The following IRF2 variants were observed in gnomAD, a reference collection of about 807,000 sequenced individuals.
IRF2 encodes the protein interferon regulatory factor 2.
IRF2 carries 15 observed loss-of-function variants against 40.6 expected under a neutral mutation model. The ratio of observed to expected loss-of-function variants is 0.37; its 90% CI spans 0.25 to 0.57. The LOEUF (loss-of-function observed/expected upper bound fraction) is 0.57, where lower values mean the gene tolerates loss of function less well. Ranked by LOEUF, IRF2 falls within the 20% of genes least tolerant of loss-of-function variation. The pLI, the probability that IRF2 is intolerant of heterozygous loss-of-function variation, is 0.77. For synonymous variants in IRF2, 151 were observed against 165.5 expected, an observed-to-expected ratio of 0.91 and a Z score of 0.67; for missense variants, 317 against 455.7, an observed-to-expected ratio of 0.70 and a Z score of 2.77.
At chr4:184,455,301 C>CTTTT (rs1238177005) in intron 1 of IRF2, among the ~76,000 whole-genome samples, 810 of 31,868 alleles carry the variant, frequency 0.025, no homozygotes, top group Middle Eastern at 0.042. Context: ...CCTTCTTCTT[C>CTTTT]TTTTTTTTTT....
At chr4:184,407,158 T>C in intron 6 of IRF2, 3 of 1,286,266 alleles carry the variant, frequency 2.3e-6, no homozygotes, top group Non-Finnish European at 3.0e-6. Context: ...ATGGTTTAAA[T>C]ACAAAAAAAG....
chr4:184,399,062 G>C lies in IRF2; in HGVS notation c.547C>G (p.Leu183Val). The C allele has an allele frequency of 6.2e-7, 1 of 1,607,672 alleles. No homozygotes were observed. Among genetic ancestry groups the C allele is most frequent in the Non-Finnish European group, 8.5e-7 (1 of 1,176,932 alleles). ...VNIIVVGQSH[L>V]DSNIENQEIV... ...TCTTGATTCTCAATGTTGCTGTCCA[G>C]ATGGGACTGTCCTACAACTTCAAAG... The change falls in exon 7 of 9, where the codon CTG (leucine) becomes GTG (valine). Residue 183 changes from leucine to valine, a missense_variant. Leu to Val is a conservative substitution (Grantham distance 32, BLOSUM62 1). This residue lies in a region of IRF2 where 262 missense variants were observed against 334.0 expected (regional missense o/e 0.78). Coordinates refer to ENST00000393593, the MANE Select transcript of IRF2 (RefSeq NM_002199.4).
chr4:184,465,738 T>A (rs796132200), intron 1 of IRF2, among the ~76,000 whole-genome samples: 51 of 152,338 alleles, frequency 3.3e-4, no homozygotes, highest in African/African-American at 1.2e-3. Flanking sequence ...CAAATGTGTC[T>A]CTATTGTTGG....
chr4:184,444,304 C>T (rs867929170), intron 1 of IRF2, among the ~76,000 whole-genome samples: 38 of 152,308 alleles, frequency 2.5e-4, no homozygotes, highest in African/African-American at 8.9e-4. Flanking sequence ...GTGCTGGTCA[C>T]CATCTCCACA....
chr4:184,467,349 A>G (rs1049026376), intron 1 of IRF2, among the ~76,000 whole-genome samples: 11 of 151,990 alleles, frequency 7.2e-5, no homozygotes, highest in East Asian at 1.9e-4. Flanking sequence ...CTAGTCACCT[A>G]TTTTCCTTCT....
chr4:184,418,845 C>T (rs981344689), intron 3 of IRF2, 137 bp from the exon 4 acceptor site: 4 of 705,724 alleles, frequency 5.7e-6, no homozygotes, highest in African/African-American at 5.4e-5. Context: ...AGTGACCAAT[C>T]GTCCTGGTGT....
chr4:184,443,454 G>A (rs1424489199), intron 1 of IRF2, among the ~76,000 whole-genome samples: 1 of 152,138 alleles, frequency 6.6e-6, no homozygotes, highest in Non-Finnish European at 1.5e-5. Context: ...TCTTATAAGT[G>A]AGAACATGTG....
At chr4:184,393,604 C>T (rs765333719) in intron 7 of IRF2, among the ~76,000 whole-genome samples, 19 of 152,278 alleles carry the variant, frequency 1.2e-4, no homozygotes, top group African/African-American at 3.4e-4. Flanking sequence ...TTTTCAGCTT[C>T]GGGGAAATAG....
chr4:184,460,690 C>T (rs527615407), intron 1 of IRF2, among the ~76,000 whole-genome samples: 49 of 151,670 alleles, frequency 3.2e-4, no homozygotes, highest in African/African-American at 8.5e-4. Context: ...TGCACGCACA[C>T]ACACACATGC....
intron 1 of IRF2, among the ~76,000 whole-genome samples, chr4:184,460,244 G>A (rs1370319285): frequency 6.6e-6 from 1 of 152,212 alleles, no homozygotes; most frequent in Non-Finnish European, 1.5e-5. Flanking sequence ...GACAAAGACT[G>A]TATGATTCCA....
chr4:184,436,792 C>A (rs1206702799), intron 1 of IRF2, among the ~76,000 whole-genome samples: 1 of 152,228 alleles, frequency 6.6e-6, no homozygotes, highest in Non-Finnish European at 1.5e-5. Flanking sequence ...ATAAGAGTCA[C>A]TGGTGTGTGA....
intron 1 of IRF2, among the ~76,000 whole-genome samples, chr4:184,457,284 G>C (rs950781238): frequency 6.6e-6 from 1 of 152,174 alleles, no homozygotes; most frequent in Admixed American, 6.5e-5. Context: ...GGCAGCTCTG[G>C]GGCTCCCTCC....
intron 1 of IRF2, among the ~76,000 whole-genome samples, chr4:184,458,611 C>G (rs1347430721): frequency 6.6e-6 from 1 of 152,172 alleles, no homozygotes; most frequent in Non-Finnish European, 1.5e-5. Context: ...TTTGCAACTC[C>G]TCTTACCACT....
chr4:184,438,739 G>A (rs1579088233), intron 1 of IRF2, among the ~76,000 whole-genome samples: 1 of 152,210 alleles, frequency 6.6e-6, no homozygotes, highest in Non-Finnish European at 1.5e-5. Context: ...ACAAGGAGAA[G>A]CATACCCTAA....
intron 1 of IRF2, among the ~76,000 whole-genome samples, chr4:184,460,632 C>T (rs1353369805): frequency 2.7e-5 from 4 of 148,586 alleles, no homozygotes; most frequent in Non-Finnish European, 5.9e-5. Flanking sequence ...CACACACACA[C>T]GCATGCACGC....
chr4:184,397,624 C>T (rs1736515707), intron 7 of IRF2, among the ~76,000 whole-genome samples: 1 of 152,052 alleles, frequency 6.6e-6, no homozygotes, highest in African/African-American at 2.4e-5. Context: ...AACTCTAATT[C>T]CAACGCTGGT....
rs2149889172 is a variant in IRF2, at chr4:184,388,709, A to G, written c.*49T>C. ...GAAAAAAATAAAATACAAACAAACA[A>G]CAAAACAAAGCCAAGAAGCCCCAAC... On this transcript the variant is annotated 3_prime_UTR_variant, in exon 9 of 9. Transcript: ENST00000393593. This position sits in a 1 kb window ranked among gnomAD's most constrained non-coding sequence, Gnocchi z 4.6. 6.4e-7 allele frequency: 1 copy of G among 1,551,472 alleles called. No homozygotes were observed. The highest frequency in any genetic ancestry group is 8.7e-7 in the Non-Finnish European group (1 of 1,149,784).
chr4:184,456,128 G>A lies in IRF2; in HGVS notation c.-7+18251C>T, dbSNP rs542381453. Among the ~76,000 whole-genome samples, 6 of 152,314 alleles carry A rather than the reference G, an allele frequency of 3.9e-5. No individual in the cohort carries two copies. In the South Asian group the frequency reaches 1.0e-3, roughly 26 times the overall value. On this transcript the variant is annotated intron_variant, in intron 1 of 8. Transcript: ENST00000393593. ...ATCACTGATCACACTGATCACGGGCGTCTGACACACTGGGTTCGAGTTCCC... is the reference window on the plus strand; with the variant it reads ...ATCACTGATCACACTGATCACGGGCATCTGACACACTGGGTTCGAGTTCCC...
At chr4:184,467,532 T>C (rs1739371447) in intron 1 of IRF2, among the ~76,000 whole-genome samples, 2 of 152,186 alleles carry the variant, frequency 1.3e-5, no homozygotes, top group Non-Finnish European at 2.9e-5. Flanking sequence ...AAAAATAACA[T>C]GGTAGATATT....
Sources: gnomAD v4.1 joint callset for allele counts (sites outside exome capture counted in the v4.1 genomes callset) on GRCh38, gnomAD v4.1.1 for gene constraint, gnomAD v4.1.1 regional missense constraint, Gnocchi (gnomAD v3.1) non-coding constraint, MANE v1.5 for transcripts, NCBI Gene and HGNC (gene_info 2026-07-23, HGNC 2026-07-21) for gene names.